APIP: variants seen among roughly 807,000 people sequenced by gnomAD.
The protein encoded by APIP is APAF1 interacting protein.
APIP carries 32 observed loss-of-function variants against 32.0 expected under a neutral mutation model. The ratio of observed to expected loss-of-function variants is 1.00; its 90% CI spans 0.76 to 1.34. APIP has a LOEUF of 1.34. APIP is among the 40% of genes most tolerant of loss of function. APIP has a pLI of 0.00. For missense variants in APIP, 247 were observed against 298.6 expected, an observed-to-expected ratio of 0.83 and a Z score of 1.27; for synonymous variants, 92 against 94.8, an observed-to-expected ratio of 0.97 and a Z score of 0.17.
At chr11:34,896,787 A>G in intron 1 of APIP, 1 of 1,287,460 alleles carries the variant, frequency 7.8e-7, no homozygotes, top group Non-Finnish European at 1.0e-6. Flanking sequence ...CGCCAAAGCC[A>G]GAATGTTCCT....
At position 34,888,289 on chromosome 11, in the gene APIP, A is replaced by G. The variant is rs745982904; in HGVS notation, c.461+4T>C. ...ATTATTTAAGAAAAAGGAAAAAAAA[A>G]TACCTATAATACCCTCCGGAAGTAC... On this transcript the variant is annotated splice_donor_region_variant and intron_variant, in intron 5 of 6. Coordinates refer to ENST00000395787, the MANE Select transcript of APIP (RefSeq NM_015957.4). The G allele has an allele frequency of 6.7e-7, 1 of 1,482,360 alleles. No individual in the cohort carries two copies. Among genetic ancestry groups the G allele is most frequent in the Non-Finnish European group, 9.1e-7 (1 of 1,095,998 alleles). 91.8% of individuals were successfully genotyped at this position (1,482,360 alleles called of 1,614,324 possible).
rs151010286 is a variant in APIP, at chr11:34,888,778, A to C, written c.299T>G (p.Leu100Arg). The C allele has an allele frequency of 1.5e-5, 23 of 1,525,318 alleles. No homozygotes were observed. The highest frequency in any genetic ancestry group is 1.9e-5 in the Non-Finnish European group (22 of 1,150,276). The allele number at this position is 1,525,318 out of a possible 1,614,324, so 94.5% of individuals were successfully genotyped here. Reference sequence around the variant, plus strand: ...TCTCATTGTGTAAGCATTCATGAAAAGAGGAGTACACTGGCTTTTTTTTAG... The same window carrying C: ...TCTCATTGTGTAAGCATTCATGAAACGAGGAGTACACTGGCTTTTTTTTAG... ...KKLKKSQCTP[L>R]FMNAYTMRGA... is the part of the protein sequence containing the mutation. Residue 100 changes from leucine (L) to arginine (R), a missense_variant, in exon 4 of 7, where the codon CTT becomes CGT. Physicochemically the swap from Leu to Arg is moderately radical, Grantham distance 102 (BLOSUM62 -2). Coordinates refer to ENST00000395787, the MANE Select transcript of APIP (RefSeq NM_015957.4).
intron 1 of APIP, among the ~76,000 whole-genome samples, chr11:34,904,584 C>A (rs1853414194): frequency 6.6e-6 from 1 of 152,176 alleles, no homozygotes; most frequent in Non-Finnish European, 1.5e-5. Flanking sequence ...AAGCATGTAA[C>A]CTCTCTGGCT....
At chr11:34,893,271 T>C (rs1853209279) in intron 2 of APIP, among the ~76,000 whole-genome samples, 2 of 152,214 alleles carry the variant, frequency 1.3e-5, no homozygotes. Flanking sequence ...TTCACCTATT[T>C]TTAACTTTGC....
intron 1 of APIP, among the ~76,000 whole-genome samples, chr11:34,904,177 T>A (rs1258861970): frequency 6.6e-6 from 1 of 152,208 alleles, no homozygotes; most frequent in Non-Finnish European, 1.5e-5. Context: ...AGCATTTCCA[T>A]GCCATCCACA....
At chr11:34,896,826 G>A (rs1293919312) in intron 1 of APIP, 4 of 1,287,582 alleles carry the variant, frequency 3.1e-6, no homozygotes, top group African/African-American at 3.0e-5. Context: ...TGGTGACCTT[G>A]AACTTCAATT....
At chr11:34,909,441 C>T (rs1853508534) in intron 1 of APIP, among the ~76,000 whole-genome samples, 1 of 152,090 alleles carries the variant, frequency 6.6e-6, no homozygotes, top group Admixed American at 6.5e-5. Flanking sequence ...CAGGGATCAA[C>T]TTTGATTAAC....
At chr11:34,903,339 C>A (rs116153953) in intron 1 of APIP, among the ~76,000 whole-genome samples, 1 of 152,184 alleles carries the variant, frequency 6.6e-6, no homozygotes. Context: ...CTCTAAATGA[C>A]GTCACCAAAA....
At chr11:34,913,272 T>C (rs909640708) in intron 1 of APIP, among the ~76,000 whole-genome samples, 1 of 152,252 alleles carries the variant, frequency 6.6e-6, no homozygotes, top group African/African-American at 2.4e-5. Flanking sequence ...CCTTTAGGTC[T>C]GGTCCTAGTT....
At chr11:34,901,395 C>T (rs546602725) in intron 1 of APIP, among the ~76,000 whole-genome samples, 2 of 92,690 alleles carry the variant, frequency 2.2e-5, no homozygotes, top group Non-Finnish European at 5.6e-5. Context: ...ACTGATGGGT[C>T]CCGGGGGCTC....
chr11:34,909,647 T>C lies in APIP; in HGVS notation c.57+6581A>G, dbSNP rs1399991933. On this transcript the variant is annotated intron_variant, in intron 1 of 6. Coordinates refer to ENST00000395787, the MANE Select transcript of APIP (RefSeq NM_015957.4). The stretch of plus-strand genomic sequence containing the variant: ...AAGTACTTCACAGGCGGAAGATCAG[T>C]TGGCTAGAGCAGAGTGAGGAAGTGC... 5.3e-5 allele frequency among the ~76,000 whole-genome samples: 8 copies of C among 152,206 alleles called. No homozygotes were observed. The South Asian group carries it at 1.7e-3, about 32-fold the overall frequency.
intron 2 of APIP, among the ~76,000 whole-genome samples, chr11:34,893,080 T>G (rs1481066234): frequency 6.6e-6 from 1 of 152,216 alleles, no homozygotes; most frequent in African/African-American, 2.4e-5. Context: ...ACATATATGA[T>G]GAAAATTTCC....
intron 1 of APIP, among the ~76,000 whole-genome samples, chr11:34,899,126 C>T (rs1028165416): frequency 3.3e-4 from 50 of 152,238 alleles, no homozygotes; most frequent in Non-Finnish European, 6.0e-4. Flanking sequence ...GCCTCGGCCT[C>T]CCAAAGTGCT....
Position 34,886,014 on chromosome 11 carries a change from TTAG to T in APIP, c.461+2276_461+2278del, listed in dbSNP as rs1419722988. 7.2e-5 allele frequency among the ~76,000 whole-genome samples: 11 copies of T among 152,336 alleles called. No individual in the cohort carries two copies. In the South Asian group the frequency reaches 1.9e-3, roughly 26 times the overall value. ...GTAATACGTGATGATAATGACTATG[TTAG>T]TAGTTTATGTATTTATTACTCTATA... On this transcript the variant is annotated intron_variant, in intron 5 of 6. Coordinates refer to ENST00000395787, the MANE Select transcript of APIP (RefSeq NM_015957.4).
At chr11:34,905,619 T>A (rs1326021775) in intron 1 of APIP, among the ~76,000 whole-genome samples, 1 of 152,180 alleles carries the variant, frequency 6.6e-6, no homozygotes, top group African/African-American at 2.4e-5. Flanking sequence ...AACATCATAC[T>A]TGTAATTGAT....
intron 1 of APIP, among the ~76,000 whole-genome samples, chr11:34,912,416 T>C (rs936321954): frequency 6.6e-6 from 1 of 152,230 alleles, no homozygotes; most frequent in African/African-American, 2.4e-5. Context: ...TTATCTCCAA[T>C]CCAGTTCTCT....
intron 1 of APIP, among the ~76,000 whole-genome samples, chr11:34,913,477 A>G (rs1853591221): frequency 6.6e-6 from 1 of 151,402 alleles, no homozygotes; most frequent in South Asian, 2.1e-4. Context: ...AGACTTTCAC[A>G]GTGAGTGTTA....
intron 1 of APIP, among the ~76,000 whole-genome samples, chr11:34,915,443 G>A (rs1197393041): frequency 6.6e-6 from 1 of 152,200 alleles, no homozygotes; most frequent in East Asian, 1.9e-4. Flanking sequence ...ATATAGATAG[G>A]AGGAATAAGA....
chr11:34,889,005 T>C (rs529299619), intron 3 of APIP, 136 bp from the exon 4 acceptor site: 118 of 404,204 alleles, frequency 2.9e-4, no homozygotes, highest in African/African-American at 2.1e-3. Context: ...GTATATTTAG[T>C]ATACATATAC....
Sources: allele counts gnomAD v4.1 joint callset (sites outside exome capture counted in the v4.1 genomes callset), GRCh38; gene constraint gnomAD v4.1.1; transcripts MANE v1.5; gene names NCBI Gene and HGNC (gene_info 2026-07-23, HGNC 2026-07-21).